The following ACP2 variants were observed in gnomAD, a reference collection of about 807,000 sequenced individuals.
The protein encoded by ACP2 is acid phosphatase 2, lysosomal.
ACP2 carries 35 observed loss-of-function variants against 54.7 expected under a neutral mutation model. That is an observed-to-expected ratio of 0.64 (90% confidence interval 0.49 to 0.85). The LOEUF (loss-of-function observed/expected upper bound fraction) is 0.85. Among genes scored for constraint, ACP2 ranks in the 40% least tolerant of loss-of-function variants. ACP2 has a pLI of 0.00. For missense variants in ACP2, 492 were observed against 565.0 expected (o/e 0.87, Z 1.31); for synonymous variants, 210 against 224.4 (o/e 0.94, Z 0.57).
Position 47,243,003 on chromosome 11 carries a change from G to A in ACP2, c.962+15C>T, listed in dbSNP as rs769663317. The A allele has an allele frequency of 5.0e-6, 8 of 1,614,022 alleles. No individual in the cohort carries two copies. The highest frequency in any genetic ancestry group is 6.8e-6 in the Non-Finnish European group (8 of 1,179,848). ...CGAGGGCCCCCCTCCAGAGGACACT[G>A]CTAGCTCCACTCACCCAGAATCTTC... is the stretch of plus-strand genomic sequence containing the variant. On this transcript the variant is annotated intron_variant, in intron 9 of 10. Transcript: ENST00000672073.
intron 6 of ACP2, 54 bp from the exon 7 acceptor site, chr11:47,244,921 G>A: frequency 6.5e-7 from 1 of 1,527,830 alleles, no homozygotes; most frequent in Non-Finnish European, 8.8e-7. Context: ...GCCTCTCCAG[G>A]GGGCAGCTCT....
At chr11:47,248,599 G>A in intron 1 of ACP2, 77 bp downstream of exon 1, 1 of 1,554,668 alleles carries the variant, frequency 6.4e-7, no homozygotes. Flanking sequence ...GTTCCTTCCC[G>A]AGATCCTCGA....
intron 6 of ACP2, chr11:47,245,103 G>A: frequency 1.1e-6 from 1 of 892,696 alleles, no homozygotes; most frequent in Non-Finnish European, 1.8e-6. Flanking sequence ...GAGAGCAGCA[G>A]GGACTGCTGA....
chr11:47,243,009 T>G lies in ACP2; in HGVS notation c.962+9A>C. 6.2e-7 allele frequency: 1 copy of G among 1,614,116 alleles called. No homozygotes were observed. Among genetic ancestry groups the G allele is most frequent in the Non-Finnish European group, 8.5e-7 (1 of 1,179,948 alleles). Reference sequence around the variant, plus strand: ...CCCCCCTCCAGAGGACACTGCTAGCTCCACTCACCCAGAATCTTCCTGGTA... The same window carrying G: ...CCCCCCTCCAGAGGACACTGCTAGCGCCACTCACCCAGAATCTTCCTGGTA... On this transcript the variant is annotated intron_variant, in intron 9 of 10. Transcript: ENST00000672073.
At position 47,239,975 on chromosome 11, in the gene ACP2, C is replaced by T; in HGVS notation, c.*141G>A. ...CAGGCACCATGGGCCACGCTGAGCC[C>T]CACTCGCTCATCTGGCTGGGGTCAT... is the stretch of plus-strand genomic sequence containing the variant. On this transcript the variant is annotated 3_prime_UTR_variant, in exon 11 of 11. Transcript: ENST00000672073. 1 of 828,394 alleles carries T rather than the reference C, an allele frequency of 1.2e-6. No individual in the cohort carries two copies. Among genetic ancestry groups the T allele is most frequent in the Non-Finnish European group, 1.9e-6 (1 of 533,858 alleles). 51.3% of individuals were successfully genotyped at this position (828,394 alleles called of 1,614,324 possible).
intron 7 of ACP2, 69 bp from the exon 8 acceptor site, chr11:47,243,390 C>T: frequency 1.5e-6 from 2 of 1,357,326 alleles, no homozygotes; most frequent in Non-Finnish European, 2.1e-6. Flanking sequence ...CCTATCTGTG[C>T]TCCTTTCACC....
chr11:47,245,250 C>G, intron 6 of ACP2, 55 bp downstream of exon 6: 1 of 1,574,664 alleles, frequency 6.4e-7, no homozygotes, highest in Non-Finnish European at 8.7e-7. Flanking sequence ...TCCTGGTGAC[C>G]TGGGCCTGCT....
chr11:47,243,470 C>T (rs1953949391), intron 7 of ACP2, 149 bp from the exon 8 acceptor site: 2 of 626,398 alleles, frequency 3.2e-6, no homozygotes, highest in Non-Finnish European at 5.6e-6. Flanking sequence ...TGTAAGAACT[C>T]TGTGGCACCC....
intron 7 of ACP2, among the ~76,000 whole-genome samples, chr11:47,243,877 G>C (rs899737677): frequency 1.1e-4 from 16 of 151,894 alleles, no homozygotes; most frequent in Non-Finnish European, 5.9e-5. Flanking sequence ...TGGCTCATGT[G>C]TGTAATCCCA....
chr11:47,248,637 A>G, intron 1 of ACP2, 39 bp downstream of exon 1: 1 of 1,583,710 alleles, frequency 6.3e-7, no homozygotes, highest in Non-Finnish European at 8.6e-7. Context: ...TTGCCCTTTT[A>G]GCTTCAGGGA....
At position 47,247,739 on chromosome 11, in the gene ACP2, C is replaced by T. The variant is rs763044082; in HGVS notation, c.211-12G>A. The T allele has an allele frequency of 1.9e-6, 3 of 1,612,942 alleles. No individual in the cohort carries two copies. Among genetic ancestry groups the T allele is most frequent in the Non-Finnish European group, 2.5e-6 (3 of 1,179,774 alleles). On this transcript the variant is annotated splice_polypyrimidine_tract_variant and intron_variant, in intron 2 of 10. Transcript: ENST00000672073. The stretch of plus-strand genomic sequence containing the variant: ...TGTAGCATCCCCTCCTGTGGGCAAA[C>T]CCAAGGGTTAAGAGGGTCTAGAGGG...
intron 7 of ACP2, among the ~76,000 whole-genome samples, chr11:47,243,916 C>A (rs572923444): frequency 1.3e-5 from 2 of 152,252 alleles, no homozygotes; most frequent in African/African-American, 4.8e-5. Flanking sequence ...GCGGGCAGAT[C>A]ACCAGAGGTC....
rs758496014 is a variant in ACP2 at position 47,244,821 on chromosome 11, A to G, written c.686T>C (p.Met229Thr). The G allele has an allele frequency of 1.1e-5, 18 of 1,612,658 alleles. No homozygotes were observed. The South Asian group carries it at 1.9e-4, about 17-fold the overall frequency. ...GTCCTTTAGCCGGCTGAGACGCTGC[A>G]TGGTTTGGGGTGAGGCCCAGGGCGG... ...RLPPWASPQT[M>T]QRLSRLKDFS... The change falls in exon 7 of 11, where the codon ATG becomes ACG. Residue 229 changes from methionine (M) to threonine (T), a missense_variant. Coordinates refer to ENST00000672073, the MANE Select transcript of ACP2 (RefSeq NM_001610.4).
At chr11:47,248,266 A>G in intron 1 of ACP2, 133 bp from the exon 2 acceptor site, 2 of 1,055,564 alleles carry the variant, frequency 1.9e-6, no homozygotes, top group Non-Finnish European at 2.7e-6. Context: ...AAAAGACCCC[A>G]GCTAGGAGTC....
chr11:47,243,603 T>C (rs1438761784), intron 7 of ACP2, among the ~76,000 whole-genome samples: 1 of 152,222 alleles, frequency 6.6e-6, no homozygotes, highest in East Asian at 1.9e-4. Flanking sequence ...TTGAAACAAA[T>C]GTAAACTTAA....
chr11:47,248,341 A>C, intron 1 of ACP2: 2 of 1,217,364 alleles, frequency 1.6e-6, no homozygotes, highest in Non-Finnish European at 2.3e-6. Flanking sequence ...GACCATAGGC[A>C]AAGCCAAGGT....
Position 47,245,363 on chromosome 11 carries a change from C to G in ACP2, c.581G>C (p.Gly194Ala). The G allele has an allele frequency of 6.2e-7, 1 of 1,614,122 alleles. No homozygotes were observed. Among genetic ancestry groups the G allele is most frequent in the East Asian group, 2.2e-5 (1 of 44,884 alleles). Residue 194 changes from glycine (G) to alanine (A), a missense_variant, in exon 6 of 11, where the codon GGG (glycine) becomes GCG (alanine). By Grantham distance (60) the Gly-to-Ala change is moderately conservative. Coordinates refer to ENST00000672073, the MANE Select transcript of ACP2 (RefSeq NM_001610.4). ...QFLDMVANET[G>A]LTDLTLETVW... ...GGTCTCCAGTGTCAGGTCTGTAAGC[C>G]CTGTCTCGTTGGCCACCATGTCCAG... is the stretch of plus-strand genomic sequence containing the variant.
intron 1 of ACP2, 196 bp from the exon 2 acceptor site, chr11:47,248,329 G>A (rs1954293139): frequency 9.1e-7 from 1 of 1,096,312 alleles, no homozygotes. Flanking sequence ...AATGCTACTG[G>A]AGACCATAGG....
chr11:47,243,438 C>T, intron 7 of ACP2, 117 bp from the exon 8 acceptor site: 3 of 769,228 alleles, frequency 3.9e-6, no homozygotes, highest in Non-Finnish European at 6.4e-6. Context: ...ACACGGAGAA[C>T]TCTTTAGTGT....
Sources: gnomAD v4.1 joint callset for allele counts (sites outside exome capture counted in the v4.1 genomes callset) on GRCh38, gnomAD v4.1.1 for gene constraint, MANE v1.5 for transcripts, NCBI Gene and HGNC (gene_info 2026-07-23, HGNC 2026-07-21) for gene names.